Variants in PHF14 observed in about 807,000 individuals in gnomAD.
PHF14 encodes PHD finger protein 14.
In PHF14, 55 loss-of-function variants were observed where a neutral mutation model predicts 117.9. The observed-to-expected ratio is 0.47, with a 90% CI of 0.38 to 0.58. The LOEUF (loss-of-function observed/expected upper bound fraction) is 0.58. Ranked by LOEUF, PHF14 falls within the 20% of genes least tolerant of loss-of-function variation. The pLI is 0.00. For missense variants in PHF14, 978 were observed against 1,122.2 expected (o/e 0.87, Z 1.84); for synonymous variants, 409 against 368.6 (o/e 1.11, Z -1.26).
chr7:11,131,582 T>C (rs1788090938), intron 17 of PHF14, among the ~76,000 whole-genome samples: 1 of 152,084 alleles, frequency 6.6e-6, no homozygotes, highest in African/African-American at 2.4e-5. Context: ...AAATATTTTC[T>C]CCAATTTGCA....
chr7:10,999,938 T>C (rs984874213), intron 4 of PHF14, among the ~76,000 whole-genome samples: 2 of 152,210 alleles, frequency 1.3e-5, no homozygotes, highest in African/African-American at 2.4e-5. Context: ...TGATAACTCA[T>C]TTAATTCCTA....
intron 14 of PHF14, among the ~76,000 whole-genome samples, chr7:11,054,702 A>G (rs1483933585): frequency 1.3e-5 from 2 of 152,130 alleles, no homozygotes; most frequent in Non-Finnish European, 2.9e-5. Flanking sequence ...TTGTATAAAT[A>G]CCTTTTGCAA....
intron 16 of PHF14, chr7:11,105,141 G>T: frequency 2.1e-6 from 2 of 975,440 alleles, no homozygotes; most frequent in Non-Finnish European, 2.4e-6. Context: ...GTTATAAAAA[G>T]ACTTGAAATT....
chr7:11,027,454 ATC>A (rs1236661750), intron 6 of PHF14, among the ~76,000 whole-genome samples: 1 of 152,106 alleles, frequency 6.6e-6, no homozygotes, highest in East Asian at 1.9e-4. Context: ...ATAATTTAAC[ATC>A]TTTTTCTTTT....
intron 16 of PHF14, among the ~76,000 whole-genome samples, chr7:11,075,922 G>A (rs1471052987): frequency 6.6e-6 from 1 of 152,064 alleles, no homozygotes. Context: ...ACGAGGTCAG[G>A]AGATCGAGAG....
At chr7:11,106,474 A>C in intron 16 of PHF14, 1 of 948,944 alleles carries the variant, frequency 1.1e-6, no homozygotes, top group Non-Finnish European at 1.3e-6. Flanking sequence ...TGTAAATTAC[A>C]AGGAATAAAA....
At chr7:11,141,742 A>G (rs928878239) in intron 17 of PHF14, among the ~76,000 whole-genome samples, 1 of 151,854 alleles carries the variant, frequency 6.6e-6, no homozygotes, top group African/African-American at 2.4e-5. Context: ...GATTATTGGT[A>G]TTTTTGGGTT....
At chr7:11,018,168 G>A (rs183126650) in intron 5 of PHF14, among the ~76,000 whole-genome samples, 3 of 152,190 alleles carry the variant, frequency 2.0e-5, no homozygotes, top group African/African-American at 7.2e-5. Flanking sequence ...CTGTAGGTTT[G>A]TGGTATAATT....
chr7:11,116,711 T>G (rs1173987704), intron 17 of PHF14, among the ~76,000 whole-genome samples: 1 of 151,898 alleles, frequency 6.6e-6, no homozygotes, highest in Non-Finnish European at 1.5e-5. Flanking sequence ...GACTGACATT[T>G]GTATTTTTTA....
intron 17 of PHF14, among the ~76,000 whole-genome samples, chr7:11,146,669 A>G (rs1359832518): frequency 6.6e-6 from 1 of 152,200 alleles, no homozygotes; most frequent in African/African-American, 2.4e-5. Context: ...AAGCATTTAG[A>G]GAACTCTACT....
chr7:11,134,518 T>C (rs1788164991), intron 17 of PHF14, among the ~76,000 whole-genome samples: 1 of 152,060 alleles, frequency 6.6e-6, no homozygotes, highest in South Asian at 2.1e-4. Context: ...ACTTGTATGG[T>C]TAAATAATTT....
rs1583327287 is a variant in PHF14 at position 10,983,442 on chromosome 7, C to T, written c.900+283C>T. Among the ~76,000 whole-genome samples the T allele has an allele frequency of 3.3e-5, 5 of 152,130 alleles. No individual in the cohort carries two copies. In the South Asian group the frequency reaches 8.3e-4, roughly 25 times the overall value. On this transcript the variant is annotated intron_variant, in intron 3 of 17. Coordinates refer to ENST00000634607, the MANE Select transcript of PHF14 (RefSeq NM_001007157.2). ...TAGACTTGGGAAATGACAAAGTTTT[C>T]CATTCTCCTTTTTATCCCTTTACTC...
chr7:11,051,634 G>A lies in PHF14; in HGVS notation c.2335G>A (p.Ala779Thr). ...SYWQCSECDQ[A>T]GSSDMEADMA... ...TAGGCAGTGCTCGGAATGTGACCAG[G>A]CAGGGAGCAGTGACATGGAAGCAGA... is the stretch of plus-strand genomic sequence containing the variant. Residue 779 changes from alanine (A) to threonine (T), a missense_variant, in exon 14 of 18, where the codon GCA (alanine) becomes ACA (threonine). Physicochemically the swap from Ala to Thr is moderately conservative, Grantham distance 58. Around this residue, in one of 7 missense-constraint regions of PHF14, gnomAD observed 17 missense variants for 52.9 expected, o/e 0.32. Coordinates refer to ENST00000634607, the MANE Select transcript of PHF14 (RefSeq NM_001007157.2). The A allele has an allele frequency of 6.2e-7, 1 of 1,612,872 alleles. No individual in the cohort carries two copies. Among genetic ancestry groups the A allele is most frequent in the Non-Finnish European group, 8.5e-7 (1 of 1,179,340 alleles).
At chr7:11,063,952 A>T (rs1206480301) in intron 16 of PHF14, among the ~76,000 whole-genome samples, 1 of 151,966 alleles carries the variant, frequency 6.6e-6, no homozygotes, top group Admixed American at 6.6e-5. Context: ...TTACTCTAAA[A>T]TAATGGATAT....
intron 16 of PHF14, among the ~76,000 whole-genome samples, chr7:11,081,961 C>T (rs895347977): frequency 6.6e-6 from 1 of 152,028 alleles, no homozygotes; most frequent in African/African-American, 2.4e-5. Flanking sequence ...AAGTATCTTA[C>T]TTTTATACCA....
At chr7:11,055,992 T>G (rs927695615) in intron 14 of PHF14, among the ~76,000 whole-genome samples, 22 of 152,168 alleles carry the variant, frequency 1.4e-4, no homozygotes, top group African/African-American at 4.6e-4. Context: ...AAGAGTTATT[T>G]GTGGGGGCTT....
intron 17 of PHF14, among the ~76,000 whole-genome samples, chr7:11,154,166 G>T (rs1029951144): frequency 1.3e-5 from 2 of 151,872 alleles, no homozygotes; most frequent in Middle Eastern, 3.4e-3. Flanking sequence ...CTATGACTTG[G>T]ACTATTATTT....
rs780222197 is a variant in PHF14 at position 11,062,002 on chromosome 7, G to A, written c.2571G>A (p.Val857=). ...VPRERRQRQS[V]LQKKPKAEDL... ...GAGAGAGAAGACAAAGACAGTCTGT[G>A]TTGCAAAAGAAGCCCAAGGCTGAAG... The change falls in exon 16 of 18, where the codon GTG becomes GTA. Residue 857 remains valine, a synonymous_variant. Transcript: ENST00000634607. The A allele has an allele frequency of 1.2e-6, 2 of 1,604,582 alleles. No individual in the cohort carries two copies. The highest frequency in any genetic ancestry group is 2.2e-5 in the South Asian group (2 of 89,344).
At chr7:11,098,355 T>C (rs1460148130) in intron 16 of PHF14, among the ~76,000 whole-genome samples, 2 of 152,232 alleles carry the variant, frequency 1.3e-5, no homozygotes, top group Admixed American at 6.5e-5. Flanking sequence ...CTCTGTTTTC[T>C]GCCATGTTAT....
Sources: allele counts gnomAD v4.1 joint callset (sites outside exome capture counted in the v4.1 genomes callset), GRCh38; gene constraint gnomAD v4.1.1; regional missense constraint gnomAD v4.1.1; transcripts MANE v1.5; gene names NCBI Gene and HGNC (gene_info 2026-07-23, HGNC 2026-07-21).